KLF8: variants seen among roughly 807,000 people sequenced by gnomAD.
KLF8 encodes Krueppel-like factor 8.
A neutral mutation model predicts 18.2 loss-of-function variants in KLF8; 10 were observed. That is an observed-to-expected ratio of 0.55 (90% CI 0.34 to 0.93). KLF8 has a LOEUF of 0.93. Ranked by LOEUF, KLF8 falls within the 40% of genes least tolerant of loss-of-function variation. The pLI, the probability that KLF8 is intolerant of heterozygous loss-of-function variation, is 0.02. For missense variants in KLF8, 264 were observed against 277.9 expected (o/e 0.95, Z 0.36); for synonymous variants, 109 against 97.3 (o/e 1.12, Z -0.71).
the KLF8 span, among the ~76,000 whole-genome samples, chrX:56,018,196 C>T: frequency 9.0e-6 from 1 of 111,144 alleles, no homozygotes; most frequent in African/African-American, 3.3e-5. Context: ...ATCCCCATTA[C>T]CCTTCGCAGC....
the KLF8 span, among the ~76,000 whole-genome samples, chrX:56,123,060 G>A: frequency 9.1e-6 from 1 of 110,411 alleles, no homozygotes; most frequent in Non-Finnish European, 1.9e-5. Context: ...AGAAGTCAAC[G>A]GAGTTGGATA....
At chrX:56,204,060 G>A in the KLF8 span, among the ~76,000 whole-genome samples, 4 of 111,131 alleles carry the variant, frequency 3.6e-5, no homozygotes, top group Non-Finnish European at 7.6e-5. Context: ...TTTGAACATG[G>A]AATATTTTTC....
At chrX:56,184,535 C>T in the KLF8 span, among the ~76,000 whole-genome samples, 17 of 112,286 alleles carry the variant, frequency 1.5e-4, no homozygotes, top group East Asian at 1.7e-3. Context: ...TCTCCCAACA[C>T]GCAGCTGGAG....
chrX:56,081,747 G>T, the KLF8 span, among the ~76,000 whole-genome samples: 1 of 111,773 alleles, frequency 8.9e-6, no homozygotes, highest in East Asian at 2.8e-4. Flanking sequence ...CTATTAATGT[G>T]ATGTATTACA....
chrX:56,030,501 T>C, the KLF8 span, among the ~76,000 whole-genome samples: 2 of 111,402 alleles, frequency 1.8e-5, no homozygotes, highest in Non-Finnish European at 3.8e-5. Context: ...TGGAGTATTA[T>C]TTTTCCAATT....
the KLF8 span, among the ~76,000 whole-genome samples, chrX:56,006,795 C>T: frequency 1.8e-5 from 2 of 112,448 alleles, no homozygotes; most frequent in Admixed American, 1.9e-4. Flanking sequence ...CAGGTTGTCT[C>T]TTCAGTCTGT....
chrX:56,051,925 T>G, the KLF8 span, among the ~76,000 whole-genome samples: 1 of 110,121 alleles, frequency 9.1e-6, no homozygotes, highest in Non-Finnish European at 1.9e-5. Context: ...GTAGATTTGG[T>G]CTTTTCACAT....
chrX:56,043,591 C>T, the KLF8 span, among the ~76,000 whole-genome samples: 6 of 111,505 alleles, frequency 5.4e-5, no homozygotes, highest in East Asian at 2.8e-4. Context: ...AGTTTCTTTT[C>T]TCTGCTTTTT....
At chrX:56,082,500 G>A in the KLF8 span, among the ~76,000 whole-genome samples, 1 of 106,452 alleles carries the variant, frequency 9.4e-6, no homozygotes, top group African/African-American at 3.4e-5. Flanking sequence ...TGCTAGATTT[G>A]GATTTAGTCT....
At chrX:55,938,973 G>C in the KLF8 span, among the ~76,000 whole-genome samples, 2 of 111,991 alleles carry the variant, frequency 1.8e-5, no homozygotes, top group Non-Finnish European at 3.8e-5. Flanking sequence ...CAATGAGACA[G>C]AAAGTGAACA....
the KLF8 span, among the ~76,000 whole-genome samples, chrX:56,046,563 T>G: frequency 3.6e-5 from 4 of 110,039 alleles, no homozygotes; most frequent in African/African-American, 1.3e-4. Flanking sequence ...GTTCTTTTAG[T>G]GCTGAATTGG....
chrX:56,052,967 T>C, the KLF8 span, among the ~76,000 whole-genome samples: 1 of 111,841 alleles, frequency 8.9e-6, no homozygotes, highest in Non-Finnish European at 1.9e-5. Context: ...TATAATCTCG[T>C]GGTGGGCCGT....
At chrX:56,245,587 T>A (rs892218773) in intron 1 of KLF8, among the ~76,000 whole-genome samples, 4 of 111,776 alleles carry the variant, frequency 3.6e-5, no homozygotes, top group Non-Finnish European at 7.5e-5. Context: ...ATAGGACCCA[T>A]GCCCTTAGGA....
chrX:56,148,319 C>G, the KLF8 span, among the ~76,000 whole-genome samples: 3 of 111,198 alleles, frequency 2.7e-5, no homozygotes, highest in East Asian at 8.5e-4. Flanking sequence ...TTGTGTTCTC[C>G]TACTCATAAA....
chrX:56,260,876 A>C (rs912798425), intron 2 of KLF8, among the ~76,000 whole-genome samples: 3 of 111,829 alleles, frequency 2.7e-5, no homozygotes, highest in Non-Finnish European at 3.8e-5. Context: ...TCGTGTTTCT[A>C]TAACATCCCT....
At chrX:55,937,141 C>T in the KLF8 span, among the ~76,000 whole-genome samples, 6 of 110,917 alleles carry the variant, frequency 5.4e-5, no homozygotes, top group Non-Finnish European at 1.1e-4. Context: ...GGTGGACTGA[C>T]ACCTCACACG....
At chrX:56,008,411 C>T in the KLF8 span, among the ~76,000 whole-genome samples, 4 of 111,025 alleles carry the variant, frequency 3.6e-5, no homozygotes, top group Admixed American at 9.6e-5. Flanking sequence ...ATGGCCCACC[C>T]GGGAGCCACG....
the KLF8 span, among the ~76,000 whole-genome samples, chrX:55,967,366 G>C: frequency 9.0e-6 from 1 of 110,533 alleles, no homozygotes; most frequent in African/African-American, 3.3e-5. Context: ...AAAGCAGCAA[G>C]AGAAAAGAAA....
chrX:56,194,136 C>G, the KLF8 span, among the ~76,000 whole-genome samples: 1 of 110,635 alleles, frequency 9.0e-6, no homozygotes, highest in Non-Finnish European at 1.9e-5. Flanking sequence ...GGCTGCAGCT[C>G]CCAGCGTGAT....
Sources: allele counts gnomAD v4.1 joint callset (sites outside exome capture counted in the v4.1 genomes callset), GRCh38; gene constraint gnomAD v4.1.1; transcripts MANE v1.5; gene names NCBI Gene and HGNC (gene_info 2026-07-23, HGNC 2026-07-21).